The following ZNF429 variants were observed in gnomAD, a reference collection of about 807,000 sequenced individuals.
The protein encoded by ZNF429 is zinc finger protein 429.
A neutral mutation model predicts 56.8 loss-of-function variants in ZNF429; 53 were observed. That is an observed-to-expected ratio of 0.93 (90% CI 0.75 to 1.17). The LOEUF (loss-of-function observed/expected upper bound fraction) is 1.17, where lower values mean the gene tolerates loss of function less well. Among genes scored for constraint, ZNF429 ranks in the 50% most tolerant of loss-of-function variants. ZNF429 has a pLI of 0.00. For missense variants in ZNF429, 849 were observed against 788.4 expected (o/e 1.08, Z -0.92); for synonymous variants, 278 against 264.7 (o/e 1.05, Z -0.49).
At position 21,531,578 on chromosome 19, in the gene ZNF429, T is replaced by TG; in HGVS notation, c.226+896dup. Among the ~76,000 whole-genome samples, 1,077 of 152,252 alleles carry TG rather than the reference T, an allele frequency of 7.1e-3. 16 individuals are homozygous for TG. Among genetic ancestry groups the TG allele is most frequent in the African/African-American group, 0.025 (1,032 of 41,548 alleles). ...CAGCACTTCAGGAGGCCAAGGCAGC[T>TG]GGATCACCTGAGGTCAGGAGTTCCA... On this transcript the variant is annotated intron_variant, in intron 3 of 3. Coordinates refer to ENST00000358491, the MANE Select transcript of ZNF429 (RefSeq NM_001001415.4).
At chr19:21,510,437 G>A (rs1433836426) in intron 1 of ZNF429, among the ~76,000 whole-genome samples, 5 of 152,138 alleles carry the variant, frequency 3.3e-5, no homozygotes, top group Admixed American at 6.5e-5. Context: ...TTGATCACAC[G>A]CAAGAAAGAA....
At chr19:21,529,365 A>G (rs1225586159) in intron 1 of ZNF429, 3 of 322,008 alleles carry the variant, frequency 9.3e-6, no homozygotes, top group East Asian at 3.2e-4. Flanking sequence ...TCAAAAATGT[A>G]TGTTTCTGTT....
intron 1 of ZNF429, among the ~76,000 whole-genome samples, chr19:21,527,870 G>A (rs895224619): frequency 1.1e-4 from 17 of 152,058 alleles, no homozygotes; most frequent in African/African-American, 3.6e-4. Flanking sequence ...AATAAATGGC[G>A]ATTTTTCAGC....
At chr19:21,534,300 A>AGGCCT in intron 3 of ZNF429, among the ~76,000 whole-genome samples, 3 of 111,044 alleles carry the variant, frequency 2.7e-5, no homozygotes, top group African/African-American at 1.0e-4. Flanking sequence ...TGGATTTTCC[A>AGGCCT]GTTTTACTTT....
chr19:21,530,675 G>T lies in ZNF429; in HGVS notation c.217G>T (p.Glu73Ter). The change falls in exon 3 of 4, where the codon GAA becomes TAA. Residue 73 changes from glutamate to a stop codon, truncating the protein, a stop_gained. Transcript: ENST00000358491. LOFTEE classifies it high-confidence loss of function. ...CKMKRHEMVD[E>*]PPVVCSHFAE... Reference sequence around the variant, plus strand: ...GATGAAGCGACATGAAATGGTGGATGAACCCCCAGGTAGGTGAGAGTGAAC... The same window carrying T: ...GATGAAGCGACATGAAATGGTGGATTAACCCCCAGGTAGGTGAGAGTGAAC... 1.2e-6 allele frequency: 2 copies of T among 1,607,898 alleles called. No homozygotes were observed. The highest frequency in any genetic ancestry group is 1.7e-6 in the Non-Finnish European group (2 of 1,176,328).
intron 1 of ZNF429, among the ~76,000 whole-genome samples, chr19:21,522,941 A>AT (rs2033035473): frequency 6.6e-6 from 1 of 152,110 alleles, no homozygotes; most frequent in Non-Finnish European, 1.5e-5. Flanking sequence ...TGCAGGCAGA[A>AT]TCATGTCTCT....
intron 3 of ZNF429, 121 bp downstream of exon 3, chr19:21,530,805 T>C: frequency 3.6e-6 from 3 of 837,302 alleles, no homozygotes; most frequent in Non-Finnish European, 3.6e-6. Context: ...TCTGAAAAAC[T>C]GTGTTCTAAA....
chr19:21,509,420 A>G (rs1360199172), intron 1 of ZNF429, among the ~76,000 whole-genome samples: 2 of 152,244 alleles, frequency 1.3e-5, no homozygotes, highest in African/African-American at 2.4e-5. Flanking sequence ...TTATATGAAC[A>G]TTGAGTAATT....
At chr19:21,509,957 G>T (rs2032370776) in intron 1 of ZNF429, among the ~76,000 whole-genome samples, 1 of 151,280 alleles carries the variant, frequency 6.6e-6, no homozygotes, top group Admixed American at 6.6e-5. Flanking sequence ...TGCCCAGGCA[G>T]GAGTGCAGTG....
rs549284769 is a variant in ZNF429 at position 21,539,643 on chromosome 19, G to C, written c.*1565G>C. The stretch of plus-strand genomic sequence containing the variant: ...ATGAGATTTCACCATTTTGTCCAGG[G>C]TGGTCTCAAACTCTTCATCTCAAGT... On this transcript the variant is annotated 3_prime_UTR_variant, in exon 4 of 4. Coordinates refer to ENST00000358491, the MANE Select transcript of ZNF429 (RefSeq NM_001001415.4). Among the ~76,000 whole-genome samples the C allele has an allele frequency of 2.0e-5, 3 of 151,102 alleles. No individual in the cohort carries two copies. The highest frequency in any genetic ancestry group is 4.2e-4 in the South Asian group (2 of 4,774).
chr19:21,515,417 TG>T (rs2032694612), intron 1 of ZNF429, among the ~76,000 whole-genome samples: 1 of 152,096 alleles, frequency 6.6e-6, no homozygotes, highest in African/African-American at 2.4e-5. Context: ...TCATGTTTTT[TG>T]CCTACTTTTT....
chr19:21,506,313 C>G (rs191849637), intron 1 of ZNF429, among the ~76,000 whole-genome samples: 111 of 152,132 alleles, frequency 7.3e-4, no homozygotes, highest in African/African-American at 2.7e-3. Flanking sequence ...CAAAAATTAG[C>G]CGGATGTGGT....
intron 1 of ZNF429, among the ~76,000 whole-genome samples, chr19:21,515,306 T>G (rs1048836783): frequency 6.6e-6 from 1 of 151,820 alleles, no homozygotes; most frequent in African/African-American, 2.4e-5. Flanking sequence ...GGTATCTCAT[T>G]GTGATTTTTC....
At chr19:21,506,767 G>GTTTTTTTTTTTTTT (rs60650857) in intron 1 of ZNF429, among the ~76,000 whole-genome samples, 3 of 111,782 alleles carry the variant, frequency 2.7e-5, no homozygotes, top group Admixed American at 9.8e-5. Flanking sequence ...TTAGTTTTTT[G>GTTTTTTTTTTTTTT]TTTTTTTTTT....
chr19:21,512,124 T>G (rs532194514), intron 1 of ZNF429, among the ~76,000 whole-genome samples: 11 of 152,174 alleles, frequency 7.2e-5, no homozygotes, highest in Admixed American at 2.0e-4. Context: ...ATTTCTTGAT[T>G]ATATGCTAAA....
chr19:21,516,192 C>T (rs1054079831), intron 1 of ZNF429, among the ~76,000 whole-genome samples: 3 of 152,076 alleles, frequency 2.0e-5, no homozygotes, highest in African/African-American at 4.8e-5. Context: ...CCTCAGCCCC[C>T]CAAGTAGCTG....
rs1185894526 is a variant in ZNF429 at position 21,539,883 on chromosome 19, A to G, written c.*1805A>G. On this transcript the variant is annotated 3_prime_UTR_variant, in exon 4 of 4. Coordinates refer to ENST00000358491, the MANE Select transcript of ZNF429 (RefSeq NM_001001415.4). ...TTATTGCTGCATCACATATAGACTCATTAGGTGGAAATTATGGCCTCTTCT... is the reference window on the plus strand; with the variant it reads ...TTATTGCTGCATCACATATAGACTCGTTAGGTGGAAATTATGGCCTCTTCT... Among the ~76,000 whole-genome samples, 1 of 152,132 alleles carries G rather than the reference A, an allele frequency of 6.6e-6. No individual in the cohort carries two copies. Among genetic ancestry groups the G allele is most frequent in the African/African-American group, 2.4e-5 (1 of 41,444 alleles).
chr19:21,535,483 T>G, intron 3 of ZNF429, among the ~76,000 whole-genome samples: 3 of 126,682 alleles, frequency 2.4e-5, no homozygotes, highest in African/African-American at 9.6e-5. Flanking sequence ...TTTCTTTCTT[T>G]CTTTCTTTCT....
At position 21,538,180 on chromosome 19, in the gene ZNF429, G is replaced by A. The variant is rs148704663; in HGVS notation, c.*102G>A. ...TGTAGTCCCACCTACTCGGGAGGCT[G>A]AGGCAGGAGAATGGCCTGAACCCGG... On this transcript the variant is annotated 3_prime_UTR_variant, in exon 4 of 4. Transcript: ENST00000358491. 7.9e-3 allele frequency: 4,086 copies of A among 517,484 alleles called. 49 individuals carry two copies. Among genetic ancestry groups the A allele is most frequent in the African/African-American group, 0.019 (973 of 50,552 alleles). The allele number at this position is 517,484 out of a possible 1,614,324, so 32.1% of individuals were successfully genotyped here.
Sources: gnomAD v4.1 joint callset for allele counts (sites outside exome capture counted in the v4.1 genomes callset) on GRCh38, gnomAD v4.1.1 for gene constraint, MANE v1.5 for transcripts, NCBI Gene and HGNC (gene_info 2026-07-23, HGNC 2026-07-21) for gene names.